The following SHCBP1 variants were observed in gnomAD, a reference collection of about 807,000 sequenced individuals.
The protein encoded by SHCBP1 is SHC SH2 domain-binding protein 1.
A neutral mutation model predicts 75.1 loss-of-function variants in SHCBP1; 60 were observed. The ratio of observed to expected loss-of-function variants is 0.80; its 90% confidence interval spans 0.65 to 0.99. SHCBP1 has a LOEUF of 0.99. Ranked by LOEUF, SHCBP1 falls within the 50% of genes least tolerant of loss-of-function variation. The probability of loss-of-function intolerance (pLI) is 0.00; values close to 1 mark genes in which losing one functional copy is unlikely to be tolerated. For missense variants in SHCBP1, 709 were observed against 809.4 expected, an observed-to-expected ratio of 0.88 and a Z score of 1.50; for synonymous variants, 290 against 293.2, an observed-to-expected ratio of 0.99 and a Z score of 0.11.
At position 46,604,116 on chromosome 16, in the gene SHCBP1, A is replaced by T; in HGVS notation, c.951T>A (p.Ser317=). The change falls in exon 7 of 13, where the codon TCT becomes TCA. Residue 317 remains serine (S), a synonymous_variant. Transcript: ENST00000303383. ...AACGGACACCCTTTGCTTGGATGTT[A>T]GAATTCTTCTGATAACCAAACACAT... The part of the protein sequence containing the change: ...LRYVFGYQKN[S]NIQAKGVRSS... 3.7e-6 allele frequency: 6 copies of T among 1,614,198 alleles called. No individual in the cohort carries two copies. The highest frequency in any genetic ancestry group is 5.1e-6 in the Non-Finnish European group (6 of 1,180,032).
chr16:46,583,673 C>T lies in SHCBP1; in HGVS notation c.1552-16G>A. On this transcript the variant is annotated splice_polypyrimidine_tract_variant and intron_variant, in intron 11 of 12. Coordinates refer to ENST00000303383, the MANE Select transcript of SHCBP1 (RefSeq NM_024745.5). ...CTAAGAAGTCCTGTGACATTGAAAACAAATGTTTTAGGAACTGTCATATTC... is the reference window on the plus strand; with the variant it reads ...CTAAGAAGTCCTGTGACATTGAAAATAAATGTTTTAGGAACTGTCATATTC... The T allele has an allele frequency of 1.3e-6, 2 of 1,595,348 alleles. No homozygotes were observed. The highest frequency in any genetic ancestry group is 1.7e-6 in the Non-Finnish European group (2 of 1,175,860).
intron 9 of SHCBP1, among the ~76,000 whole-genome samples, chr16:46,596,933 C>T (rs1186556104): frequency 6.7e-6 from 1 of 149,276 alleles, no homozygotes; most frequent in Non-Finnish European, 1.5e-5. Flanking sequence ...CCACCATGTT[C>T]GCCAGGCTGG....
intron 10 of SHCBP1, among the ~76,000 whole-genome samples, chr16:46,593,971 A>G (rs1374241659): frequency 6.6e-6 from 1 of 152,152 alleles, no homozygotes; most frequent in Non-Finnish European, 1.5e-5. Flanking sequence ...AAGTAGGAGA[A>G]ATCACTCTAC....
intron 4 of SHCBP1, among the ~76,000 whole-genome samples, chr16:46,611,436 C>CG (rs1211985466): frequency 6.6e-6 from 1 of 152,174 alleles, no homozygotes; most frequent in Non-Finnish European, 1.5e-5. Flanking sequence ...TTATAATTTC[C>CG]GCTTTGCAAA....
intron 10 of SHCBP1, among the ~76,000 whole-genome samples, chr16:46,590,008 T>C (rs1965017125): frequency 6.6e-6 from 1 of 151,970 alleles, no homozygotes; most frequent in Non-Finnish European, 1.5e-5. Flanking sequence ...CCCTCAGAAA[T>C]AATACCACAC....
At chr16:46,589,798 T>C (rs1261006403) in intron 10 of SHCBP1, among the ~76,000 whole-genome samples, 1 of 152,190 alleles carries the variant, frequency 6.6e-6, no homozygotes, top group African/African-American at 2.4e-5. Context: ...AAGGACTTTC[T>C]TCACAGAATT....
At position 46,581,678 on chromosome 16, in the gene SHCBP1, G is replaced by C. The variant is rs537691499; in HGVS notation, c.*51C>G. ...ACTACAATGGCAGCAGTGATTCTTA[G>C]GGCAGCATGTGCAAAATCCAGTATT... is the stretch of plus-strand genomic sequence containing the variant. On this transcript the variant is annotated 3_prime_UTR_variant, in exon 13 of 13. Coordinates refer to ENST00000303383, the MANE Select transcript of SHCBP1 (RefSeq NM_024745.5). 33 of 1,494,566 alleles carry C rather than the reference G, an allele frequency of 2.2e-5. No individual in the cohort carries two copies. The highest frequency in any genetic ancestry group is 3.0e-5 in the Non-Finnish European group (33 of 1,089,418). 92.6% of individuals were successfully genotyped at this position (1,494,566 alleles called of 1,614,324 possible). A position where few individuals can be genotyped will look rare whatever the true frequency, so the allele number is the denominator to read the frequency against.
intron 10 of SHCBP1, 141 bp downstream of exon 10, chr16:46,595,411 G>A (rs1056609441): frequency 4.5e-5 from 33 of 734,816 alleles, no homozygotes; most frequent in Non-Finnish European, 7.0e-5. Flanking sequence ...GAAGACCCTT[G>A]CACAGTTGAG....
At chr16:46,611,849 T>C (rs891153773) in intron 4 of SHCBP1, among the ~76,000 whole-genome samples, 14 of 152,246 alleles carry the variant, frequency 9.2e-5, no homozygotes, top group Non-Finnish European at 2.1e-4. Flanking sequence ...AAGTTCTCTT[T>C]CCCTAATGGT....
Position 46,581,518 on chromosome 16 carries a change from A to G in SHCBP1, c.*211T>C. On this transcript the variant is annotated 3_prime_UTR_variant, in exon 13 of 13. Transcript: ENST00000303383. ...ACTTTCAGATAAGCAATCTCCAAAT[A>G]TTTTCTATTTTATATGCATTTATGA... The G allele has an allele frequency of 5.8e-6, 3 of 513,006 alleles. No homozygotes were observed. Among genetic ancestry groups the G allele is most frequent in the Non-Finnish European group, 1.0e-5 (3 of 293,382 alleles). The allele number at this position is 513,006 out of a possible 1,614,324, so 31.8% of individuals were successfully genotyped here.
chr16:46,590,196 A>C (rs902426604), intron 10 of SHCBP1, among the ~76,000 whole-genome samples: 2 of 152,256 alleles, frequency 1.3e-5, no homozygotes, highest in Non-Finnish European at 2.9e-5. Flanking sequence ...TAAATGTTAG[A>C]CCTAAAACCA....
intron 2 of SHCBP1, 55 bp from the exon 3 acceptor site, chr16:46,617,804 T>A: frequency 7.6e-7 from 1 of 1,314,712 alleles, no homozygotes; most frequent in Non-Finnish European, 1.1e-6. Context: ...AGAGGGAAGT[T>A]AATAAATCCA....
At chr16:46,588,436 G>C (rs1288509866) in intron 10 of SHCBP1, among the ~76,000 whole-genome samples, 1 of 151,868 alleles carries the variant, frequency 6.6e-6, no homozygotes, top group Non-Finnish European at 1.5e-5. Flanking sequence ...GACTAATAAA[G>C]AAGAAAAAAG....
At chr16:46,621,166 G>T in intron 1 of SHCBP1, 91 bp downstream of exon 1, 1 of 1,207,468 alleles carries the variant, frequency 8.3e-7, no homozygotes, top group Non-Finnish European at 1.1e-6. Context: ...GACGGGTCCG[G>T]AAGGCCCGCG....
intron 10 of SHCBP1, 45 bp from the exon 11 acceptor site, chr16:46,584,134 C>G: frequency 7.1e-7 from 1 of 1,406,096 alleles, no homozygotes; most frequent in Non-Finnish European, 9.8e-7. Context: ...TTTTAAAAGG[C>G]AAGACTATAA....
intron 9 of SHCBP1, among the ~76,000 whole-genome samples, chr16:46,598,630 G>A (rs892108964): frequency 6.6e-6 from 1 of 152,130 alleles, no homozygotes; most frequent in African/African-American, 2.4e-5. Context: ...AATGGTAAAT[G>A]AGCACTGGCT....
intron 10 of SHCBP1, among the ~76,000 whole-genome samples, chr16:46,590,477 T>A (rs1336873350): frequency 4.6e-5 from 7 of 151,398 alleles, no homozygotes; most frequent in Non-Finnish European, 8.9e-5. Flanking sequence ...CAAGAAAAAA[T>A]CAAACAACCC....
intron 4 of SHCBP1, among the ~76,000 whole-genome samples, chr16:46,612,058 A>G (rs897102660): frequency 3.3e-5 from 5 of 152,248 alleles, no homozygotes; most frequent in African/African-American, 1.2e-4. Context: ...TAACTCTGAC[A>G]TTCTAAAGTT....
At chr16:46,604,165 TATCA>T (rs759085075) in intron 6 of SHCBP1, 22 bp from the exon 7 acceptor site, 1 of 1,613,338 alleles carries the variant, frequency 6.2e-7, no homozygotes, top group African/African-American at 1.3e-5. Context: ...GAAACAGGCC[TATCA>T]GTAAGACAGC....
Sources: allele counts gnomAD v4.1 joint callset (sites outside exome capture counted in the v4.1 genomes callset), GRCh38; gene constraint gnomAD v4.1.1; transcripts MANE v1.5; gene names NCBI Gene and HGNC (gene_info 2026-07-23, HGNC 2026-07-21).